Variants in ATP8A1 observed in about 807,000 individuals in gnomAD.
ATP8A1 encodes the protein phospholipid-transporting ATPase IA.
In ATP8A1, 90 loss-of-function variants were observed where a neutral mutation model predicts 177.7. The ratio of observed to expected loss-of-function variants is 0.51; its 90% CI spans 0.43 to 0.60. ATP8A1 has a LOEUF of 0.60. ATP8A1 is among the 20% of genes least tolerant of loss of function. ATP8A1 has a pLI of 0.00. For missense variants in ATP8A1, 1,072 were observed against 1,392.8 expected, an observed-to-expected ratio of 0.77 and a Z score of 3.67; for synonymous variants, 493 against 485.9, an observed-to-expected ratio of 1.01 and a Z score of -0.19.
chr4:42,443,596 G>T lies in ATP8A1; in HGVS notation c.3092C>A (p.Ala1031Asp), dbSNP rs771273391. The change falls in exon 33 of 37, where the codon GCC becomes GAC. Residue 1031 changes from alanine (A) to aspartate (D), a missense_variant. Physicochemically the swap from Ala to Asp is moderately radical, Grantham distance 126 (BLOSUM62 -2). Coordinates refer to ENST00000381668, the MANE Select transcript of ATP8A1 (RefSeq NM_006095.2). ...FFGIYSSLWP[A>D]IPMAPDMSGE... ...TGACATATCAGGGGCCATCGGAATGGCAGGCCACAGAGATGAGTAGATTCC... is the reference window on the plus strand; with the variant it reads ...TGACATATCAGGGGCCATCGGAATGTCAGGCCACAGAGATGAGTAGATTCC... 5 of 1,497,086 alleles carry T rather than the reference G, an allele frequency of 3.3e-6. No individual in the cohort carries two copies. The highest frequency in any genetic ancestry group is 4.7e-6 in the Non-Finnish European group (5 of 1,073,202). The allele number at this position is 1,497,086 out of a possible 1,614,324, so 92.7% of individuals were successfully genotyped here.
At position 42,479,518 on chromosome 4, in the gene ATP8A1, A is replaced by G. The variant is rs140356099; in HGVS notation, c.2324+5978T>C. Among the ~76,000 whole-genome samples the G allele has an allele frequency of 3.2e-4, 48 of 152,330 alleles. 1 individual carries two copies. The East Asian group carries it at 6.2e-3, about 20-fold the overall frequency. On this transcript the variant is annotated intron_variant, in intron 25 of 36. Coordinates refer to ENST00000381668, the MANE Select transcript of ATP8A1 (RefSeq NM_006095.2). ...CAGAGAAATGCCATAGGTTCCACAC[A>G]TCATGTTCTTAGCAAATCAGAACTG... is the stretch of plus-strand genomic sequence containing the variant.
intron 22 of ATP8A1, among the ~76,000 whole-genome samples, chr4:42,517,169 C>T (rs530142592): frequency 1.2e-4 from 18 of 151,344 alleles, no homozygotes; most frequent in South Asian, 6.3e-4. Flanking sequence ...GGTGTGGTGG[C>T]GGGCGCCTGT....
intron 33 of ATP8A1, among the ~76,000 whole-genome samples, chr4:42,440,543 T>C (rs979908231): frequency 6.6e-6 from 1 of 152,120 alleles, no homozygotes; most frequent in Non-Finnish European, 1.5e-5. Flanking sequence ...TGGGTTTCTG[T>C]CTGTTTCATT....
intron 1 of ATP8A1, among the ~76,000 whole-genome samples, chr4:42,638,182 C>A (rs1739581308): frequency 6.6e-6 from 1 of 152,130 alleles, no homozygotes; most frequent in Non-Finnish European, 1.5e-5. Context: ...TCCTAATAAC[C>A]ACTAATATAT....
Position 42,524,838 on chromosome 4 carries a change from T to C in ATP8A1, c.1732A>G (p.Ile578Val), listed in dbSNP as rs1319203008. 3 of 1,607,276 alleles carry C rather than the reference T, an allele frequency of 1.9e-6. No individual in the cohort carries two copies. The South Asian group carries it at 3.3e-5, about 18-fold the overall frequency. Residue 578 changes from isoleucine (I) to valine (V), a missense_variant, in exon 21 of 37, where the codon ATT (isoleucine) becomes GTT (valine). Physicochemically the swap from Ile to Val is conservative, Grantham distance 29 (BLOSUM62 3). Coordinates refer to ENST00000381668, the MANE Select transcript of ATP8A1 (RefSeq NM_006095.2). ...RLYCKGADTVIYDRLAETSKY... is the reference protein window; with the variant it reads ...RLYCKGADTVVYDRLAETSKY... ...GACGTCTCTGCCAGTCGATCATAAA[T>C]TACAGTGTCCTGGAAAACAAACAGA... is the stretch of plus-strand genomic sequence containing the variant.
intron 24 of ATP8A1, among the ~76,000 whole-genome samples, 158 bp from the exon 25 acceptor site, chr4:42,485,826 C>G (rs1722139538): frequency 6.6e-6 from 1 of 152,042 alleles, no homozygotes; most frequent in Non-Finnish European, 1.5e-5. Context: ...TCTTACTAGC[C>G]CCTCAGGAGC....
chr4:42,523,024 C>T (rs754624851), intron 21 of ATP8A1, among the ~76,000 whole-genome samples: 9 of 152,194 alleles, frequency 5.9e-5, no homozygotes, highest in East Asian at 1.9e-4. Context: ...GGGAAAGCCA[C>T]CTTCCTCTTA....
chr4:42,472,149 C>CA (rs746595213), intron 25 of ATP8A1: 146 of 635,200 alleles, frequency 2.3e-4, no homozygotes, highest in Non-Finnish European at 3.7e-4. Flanking sequence ...AAAAAATAAG[C>CA]AAAAACATCC....
chr4:42,507,768 G>A (rs913024021), intron 22 of ATP8A1, among the ~76,000 whole-genome samples: 18 of 21,352 alleles, frequency 8.4e-4, no homozygotes, highest in South Asian at 1.5e-3. Context: ...CAGTTAAAAA[G>A]GACAGGCATT....
intron 14 of ATP8A1, among the ~76,000 whole-genome samples, chr4:42,574,058 T>C (rs1294564786): frequency 6.6e-6 from 1 of 152,170 alleles, no homozygotes; most frequent in Non-Finnish European, 1.5e-5. Context: ...ATAAATTAAA[T>C]GGGTGCTCAA....
chr4:42,590,890 C>G lies in ATP8A1; in HGVS notation c.451-6G>C. ...ACTATCTCCCCTACTGCCACCTACA[C>G]GTCCCAGTATAAAATAATTAAAATG... On this transcript the variant is annotated splice_polypyrimidine_tract_variant and splice_region_variant and intron_variant, in intron 6 of 36. Transcript: ENST00000381668. 1 of 1,603,490 alleles carries G rather than the reference C, an allele frequency of 6.2e-7. No individual in the cohort carries two copies. The highest frequency in any genetic ancestry group is 8.5e-7 in the Non-Finnish European group (1 of 1,175,910).
At chr4:42,541,992 T>C (rs1728435676) in intron 20 of ATP8A1, among the ~76,000 whole-genome samples, 1 of 152,290 alleles carries the variant, frequency 6.6e-6, no homozygotes, top group South Asian at 2.1e-4. Flanking sequence ...GAATTTACAA[T>C]ACCAAGAGTG....
At chr4:42,497,843 G>A (rs1723440840) in intron 24 of ATP8A1, among the ~76,000 whole-genome samples, 1 of 152,192 alleles carries the variant, frequency 6.6e-6, no homozygotes, top group African/African-American at 2.4e-5. Flanking sequence ...ATGTAACAAA[G>A]TTGGCTTTCT....
At chr4:42,502,709 G>A (rs1036595122) in intron 24 of ATP8A1, among the ~76,000 whole-genome samples, 16 of 152,204 alleles carry the variant, frequency 1.1e-4, no homozygotes, top group Non-Finnish European at 1.6e-4. Context: ...TCCCTTCCAC[G>A]CATGTGGCCT....
intron 10 of ATP8A1, among the ~76,000 whole-genome samples, chr4:42,580,572 A>T (rs1732930479): frequency 6.6e-6 from 1 of 152,242 alleles, no homozygotes; most frequent in Non-Finnish European, 1.5e-5. Flanking sequence ...CTAACCAAAA[A>T]ATCCATAGAA....
chr4:42,603,732 T>C (rs1470951869), intron 5 of ATP8A1, among the ~76,000 whole-genome samples: 6 of 152,182 alleles, frequency 3.9e-5, no homozygotes, highest in Admixed American at 1.3e-4. Context: ...TCAGCACCCC[T>C]AGTTCAAGGA....
chr4:42,441,770 G>A (rs116423468), intron 33 of ATP8A1, among the ~76,000 whole-genome samples: 2 of 152,156 alleles, frequency 1.3e-5, no homozygotes, highest in Admixed American at 6.5e-5. Flanking sequence ...CATTTTGGAC[G>A]TGCTAGTCAA....
intron 35 of ATP8A1, among the ~76,000 whole-genome samples, chr4:42,419,389 A>G (rs1203800106): frequency 1.3e-5 from 2 of 152,236 alleles, no homozygotes; most frequent in Admixed American, 6.5e-5. Flanking sequence ...AGAGTAAACT[A>G]ATACTTTATA....
intron 25 of ATP8A1, among the ~76,000 whole-genome samples, chr4:42,483,185 G>A (rs2153188637): frequency 6.6e-6 from 1 of 152,256 alleles, no homozygotes; most frequent in South Asian, 2.1e-4. Flanking sequence ...GATGGTCTGT[G>A]CCAATAGTTT....
Sources: allele counts gnomAD v4.1 joint callset (sites outside exome capture counted in the v4.1 genomes callset), GRCh38; gene constraint gnomAD v4.1.1; transcripts MANE v1.5; gene names NCBI Gene and HGNC (gene_info 2026-07-23, HGNC 2026-07-21).